The following POLA1 variants were observed in gnomAD, a reference collection of about 807,000 sequenced individuals.
The protein encoded by POLA1 is DNA polymerase alpha 1, catalytic subunit, also known as DNA polymerase alpha catalytic subunit.
Under a neutral mutation model 124.0 loss-of-function variants are expected in POLA1, and 15 were observed. The observed-to-expected ratio is 0.12, with a 90% CI of 0.08 to 0.19. POLA1 has a LOEUF of 0.19. POLA1 is among the 10% of genes least tolerant of loss of function. POLA1 has a pLI of 1.00. For synonymous variants in POLA1, 408 were observed against 389.4 expected (o/e 1.05, Z -0.56); for missense variants, 886 against 1,103.4 (o/e 0.80, Z 2.79).
chrX:24,933,121 C>T (rs905684748), intron 36 of POLA1, among the ~76,000 whole-genome samples: 4 of 111,514 alleles, frequency 3.6e-5, no homozygotes, highest in African/African-American at 9.8e-5. Context: ...ATAATTCTGC[C>T]GTGCAGCCAA....
intron 34 of POLA1, among the ~76,000 whole-genome samples, chrX:24,864,661 C>T (rs146341634): frequency 8.9e-4 from 99 of 111,069 alleles, no homozygotes; most frequent in African/African-American, 3.1e-3. Context: ...AATTCTCCTT[C>T]ACCTTTAAGA....
chrX:24,772,487 C>T (rs2045058111), intron 26 of POLA1, among the ~76,000 whole-genome samples: 1 of 109,958 alleles, frequency 9.1e-6, no homozygotes. Context: ...ATTTTGTCAT[C>T]CAGGGATTAA....
intron 26 of POLA1, among the ~76,000 whole-genome samples, chrX:24,757,435 A>ATTTTTTTTTTTTTTTTTT (rs1569298336): frequency 3.1e-5 from 2 of 64,636 alleles, no homozygotes; most frequent in African/African-American, 2.4e-4. Context: ...AAAATCTGAA[A>ATTTTTTTTTTTTTTTTTT]CTTTTTTTTT....
At chrX:24,731,961 T>G (rs1158287775) in intron 15 of POLA1, among the ~76,000 whole-genome samples, 1 of 111,774 alleles carries the variant, frequency 8.9e-6, no homozygotes, top group Non-Finnish European at 1.9e-5. Context: ...TTTAAAGTAT[T>G]TATTATTTTT....
chrX:24,918,553 C>G (rs2047567892), intron 35 of POLA1, among the ~76,000 whole-genome samples: 1 of 111,884 alleles, frequency 8.9e-6, no homozygotes, highest in Non-Finnish European at 1.9e-5. Flanking sequence ...CATCATAATC[C>G]TATGAGGTAC....
chrX:24,744,046 G>C (rs58996424), intron 23 of POLA1, among the ~76,000 whole-genome samples: 6,769 of 110,090 alleles, frequency 0.061, 505 homozygotes, highest in African/African-American at 0.21. Context: ...GTGTGTGCCA[G>C]CATACCCAGC....
chrX:24,699,465 G>C lies in POLA1; in HGVS notation c.84G>C (p.Arg28=). ...DSGSFVSSRA[R]REKKSKKGRQ... is the part of the protein sequence containing the mutation. ...GGAGTTTTGTATCTTCTCGAGCCCG[G>C]CGAGAAAAAAAATCAAAGAAGGGGC... Residue 28 remains arginine (R), a synonymous_variant, in exon 2 of 37, where the codon CGG becomes CGC. Transcript: ENST00000379068. 8.5e-7 allele frequency: 1 copy of C among 1,182,880 alleles called. No individual in the cohort carries two copies. Among genetic ancestry groups the C allele is most frequent in the Non-Finnish European group, 1.1e-6 (1 of 877,769 alleles).
chrX:24,925,018 C>T (rs989985000), intron 35 of POLA1, among the ~76,000 whole-genome samples: 1 of 111,993 alleles, frequency 8.9e-6, no homozygotes, highest in Non-Finnish European at 1.9e-5. Context: ...ACATGTACCT[C>T]ATGATCTCTG....
At chrX:24,801,924 G>GGGGT (rs759368851) in intron 26 of POLA1, among the ~76,000 whole-genome samples, 54 of 74,544 alleles carry the variant, frequency 7.2e-4, no homozygotes, top group Middle Eastern at 7.7e-3. Flanking sequence ...GAGGTGGGTG[G>GGGGT]GTGTGTGTGT....
chrX:24,781,138 T>C (rs2045252970), intron 26 of POLA1, among the ~76,000 whole-genome samples: 1 of 111,876 alleles, frequency 8.9e-6, no homozygotes, highest in African/African-American at 3.3e-5. Context: ...GTGTCATCTC[T>C]TATTGCTGAT....
In POLA1 at chrX:24,976,470, A is replaced by G. The variant is rs772866269; in HGVS notation, c.4262-19335A>G. Among the ~76,000 whole-genome samples the G allele has an allele frequency of 7.1e-5, 8 of 112,360 alleles. No individual in the cohort carries two copies. In the South Asian group the frequency reaches 3.0e-3, roughly 42 times the overall value. On this transcript the variant is annotated intron_variant, in intron 36 of 36. Transcript: ENST00000379068. ...ATTTTGGATAAAAATTTCCTTTAAAAGTTCTCATTCTCATAATTCACAATA... is the reference window on the plus strand; with the variant it reads ...ATTTTGGATAAAAATTTCCTTTAAAGGTTCTCATTCTCATAATTCACAATA...
At chrX:24,711,040 T>C (rs1205872609) in intron 4 of POLA1, among the ~76,000 whole-genome samples, 1 of 111,709 alleles carries the variant, frequency 9.0e-6, no homozygotes, top group Non-Finnish European at 1.9e-5. Context: ...TGGAGTGCAG[T>C]GGTGCGATTT....
At chrX:24,871,552 G>A (rs769149068) in intron 34 of POLA1, among the ~76,000 whole-genome samples, 4 of 111,425 alleles carry the variant, frequency 3.6e-5, no homozygotes, top group South Asian at 7.6e-4. Context: ...GCTAACCTCA[G>A]TTATGGATAA....
At chrX:24,828,459 A>G (rs1371838062) in intron 32 of POLA1, among the ~76,000 whole-genome samples, 2 of 112,082 alleles carry the variant, frequency 1.8e-5, no homozygotes, top group Non-Finnish European at 3.8e-5. Flanking sequence ...CTAAAAGGCT[A>G]TGAAAGATGT....
Position 24,888,049 on chromosome X carries a change from G to A in POLA1, c.4091G>A (p.Arg1364His). The A allele has an allele frequency of 8.3e-7, 1 of 1,209,109 alleles. No individual in the cohort carries two copies. Among genetic ancestry groups the A allele is most frequent in the Non-Finnish European group, 1.1e-6 (1 of 893,512 alleles). ...GAGCCAACCTGTCGCAATCGAACTC[G>A]TCACCTTCCCCTTCAATTCTCCCGA... ...CEEPTCRNRT[R>H]HLPLQFSRTG... is the part of the protein sequence containing the mutation. Residue 1364 changes from arginine to histidine, a missense_variant, in exon 35 of 37, where the codon CGT becomes CAT. This residue lies in a region of POLA1 where 313 missense variants were observed against 359.7 expected (regional missense o/e 0.87). Transcript: ENST00000379068.
At chrX:24,931,515 T>C (rs1360413570) in intron 36 of POLA1, among the ~76,000 whole-genome samples, 3 of 112,178 alleles carry the variant, frequency 2.7e-5, no homozygotes, top group Admixed American at 1.9e-4. Context: ...CCTTGACTTA[T>C]TTGGTTTTGC....
chrX:24,948,084 G>T (rs1051403336), intron 36 of POLA1, among the ~76,000 whole-genome samples: 1 of 112,122 alleles, frequency 8.9e-6, no homozygotes. Context: ...AAATTCCTCT[G>T]AAAGGAGGTC....
intron 36 of POLA1, among the ~76,000 whole-genome samples, chrX:24,932,436 A>G (rs1221076248): frequency 8.9e-6 from 1 of 111,822 alleles, no homozygotes; most frequent in East Asian, 2.8e-4. Context: ...AGTGCACGTT[A>G]TTACACCCAC....
intron 26 of POLA1, among the ~76,000 whole-genome samples, chrX:24,755,441 A>C (rs1932550020): frequency 9.0e-6 from 1 of 111,684 alleles, no homozygotes; most frequent in African/African-American, 3.3e-5. Flanking sequence ...TTTAATTTAC[A>C]TTTTAAAATT....
Sources: gnomAD v4.1 joint callset for allele counts (sites outside exome capture counted in the v4.1 genomes callset) on GRCh38, gnomAD v4.1.1 for gene constraint, gnomAD v4.1.1 regional missense constraint, MANE v1.5 for transcripts, NCBI Gene and HGNC (gene_info 2026-07-23, HGNC 2026-07-21) for gene names.